Variants in SPIDR observed in about 807,000 individuals in gnomAD.
SPIDR encodes the protein DNA repair-scaffolding protein.
A neutral mutation model predicts 104.6 loss-of-function variants in SPIDR; 93 were observed. The observed-to-expected ratio is 0.89, with a 90% CI of 0.75 to 1.06. SPIDR has a LOEUF of 1.06. Ranked by LOEUF, SPIDR falls within the 50% of genes least tolerant of loss-of-function variation. The probability of loss-of-function intolerance (pLI) is 0.00; values close to 1 mark genes in which losing one functional copy is unlikely to be tolerated. For missense variants in SPIDR, 1,154 were observed against 1,111.2 expected, an observed-to-expected ratio of 1.04 and a Z score of -0.55; for synonymous variants, 431 against 416.9, an observed-to-expected ratio of 1.03 and a Z score of -0.41.
At chr8:47,308,534 T>C (rs1424269029) in intron 5 of SPIDR, among the ~76,000 whole-genome samples, 4 of 151,730 alleles carry the variant, frequency 2.6e-5, no homozygotes, top group Non-Finnish European at 4.4e-5. Context: ...TTTTCCCTTA[T>C]ATACAGTTGC....
rs767694838 is a variant in SPIDR at position 47,590,214 on chromosome 8, G to A, written c.1098-5597G>A. ...AATTATTTCTTTTCACTTTCTCTGA[G>A]TTTATTTTGCTCTACTTTTTTCTAG... is the stretch of plus-strand genomic sequence containing the variant. On this transcript the variant is annotated intron_variant, in intron 8 of 19. Transcript: ENST00000297423. Among the ~76,000 whole-genome samples the A allele has an allele frequency of 1.3e-4, 19 of 151,508 alleles. 1 individual carries two copies. The highest frequency in any genetic ancestry group is 5.3e-4 in the Admixed American group (8 of 15,204).
At chr8:47,562,151 C>T (rs958037100) in intron 8 of SPIDR, among the ~76,000 whole-genome samples, 5 of 152,204 alleles carry the variant, frequency 3.3e-5, no homozygotes, top group African/African-American at 9.7e-5. Flanking sequence ...TAGCCCTAGG[C>T]GTGATTTTCT....
At chr8:47,547,230 G>C in intron 8 of SPIDR, 1 of 638,246 alleles carries the variant, frequency 1.6e-6, no homozygotes, top group Non-Finnish European at 3.0e-6. Context: ...TGCACAACTT[G>C]TACTTGGGCT....
At chr8:47,467,293 G>A (rs2154356020) in intron 8 of SPIDR, among the ~76,000 whole-genome samples, 1 of 152,294 alleles carries the variant, frequency 6.6e-6, no homozygotes, top group South Asian at 2.1e-4. Flanking sequence ...GTACAAAGAA[G>A]AGCTGGTATC....
chr8:47,549,467 T>C (rs1226032281), intron 8 of SPIDR, among the ~76,000 whole-genome samples: 1 of 152,234 alleles, frequency 6.6e-6, no homozygotes, highest in East Asian at 1.9e-4. Context: ...CCATTCTAAC[T>C]GGTGTGAGAT....
At chr8:47,319,677 T>C (rs999580380) in intron 5 of SPIDR, among the ~76,000 whole-genome samples, 3 of 152,236 alleles carry the variant, frequency 2.0e-5, no homozygotes, top group African/African-American at 4.8e-5. Flanking sequence ...TATTCCAAAA[T>C]TGACCACATA....
intron 14 of SPIDR, 80 bp downstream of exon 14, chr8:47,702,095 TCTTA>T (rs761745039): frequency 0.042 from 3,064 of 72,126 alleles, 266 homozygotes; most frequent in African/African-American, 0.16. Context: ...TCTCTCTCTC[TCTTA>T]CACACACACA....
chr8:47,700,979 A>G (rs944691404), intron 12 of SPIDR, among the ~76,000 whole-genome samples: 8 of 152,146 alleles, frequency 5.3e-5, no homozygotes, highest in African/African-American at 1.9e-4. Context: ...AGCAAAATGG[A>G]TGGAAAGTGT....
At chr8:47,328,420 T>TA (rs1267100894) in intron 5 of SPIDR, among the ~76,000 whole-genome samples, 81 of 151,360 alleles carry the variant, frequency 5.4e-4, no homozygotes, top group African/African-American at 1.8e-3. Flanking sequence ...GCTAATTATT[T>TA]TTTTTTTTTT....
At chr8:47,734,520 T>C (rs1238998973) in intron 19 of SPIDR, among the ~76,000 whole-genome samples, 1 of 152,154 alleles carries the variant, frequency 6.6e-6, no homozygotes, top group Non-Finnish European at 1.5e-5. Flanking sequence ...CTGTAGCAAC[T>C]GCCAAATGCC....
intron 8 of SPIDR, among the ~76,000 whole-genome samples, chr8:47,556,680 G>A (rs1031143992): frequency 2.0e-5 from 3 of 152,098 alleles, no homozygotes; most frequent in Non-Finnish European, 4.4e-5. Context: ...GCTTACTGCA[G>A]CCTCACACTC....
intron 7 of SPIDR, among the ~76,000 whole-genome samples, chr8:47,423,727 G>A (rs995918609): frequency 5.3e-5 from 8 of 152,210 alleles, no homozygotes; most frequent in Non-Finnish European, 4.4e-5. Context: ...GATCATGCAG[G>A]GCCTGGAGGC....
At chr8:47,732,309 T>C in intron 19 of SPIDR, 1 of 661,966 alleles carries the variant, frequency 1.5e-6, no homozygotes, top group Non-Finnish European at 2.7e-6. Context: ...TGCACATTTA[T>C]GCAGTATGTG....
chr8:47,470,347 G>A lies in SPIDR; in HGVS notation c.1097+29805G>A, dbSNP rs184854738. On this transcript the variant is annotated intron_variant, in intron 8 of 19. Coordinates refer to ENST00000297423, the MANE Select transcript of SPIDR (RefSeq NM_001080394.4). Reference sequence around the variant, plus strand: ...TCTGCCGTCCAGCCTGGAGTGCAGCGACACGATCTCGGCTCACCGCAACCT... The same window carrying A: ...TCTGCCGTCCAGCCTGGAGTGCAGCAACACGATCTCGGCTCACCGCAACCT... Among the ~76,000 whole-genome samples, 358 of 152,188 alleles carry A rather than the reference G, an allele frequency of 2.4e-3. 1 individual carries two copies. Among genetic ancestry groups the A allele is most frequent in the African/African-American group, 8.3e-3 (343 of 41,502 alleles).
At chr8:47,683,858 G>T (rs957947789) in intron 11 of SPIDR, among the ~76,000 whole-genome samples, 4 of 152,234 alleles carry the variant, frequency 2.6e-5, no homozygotes, top group Admixed American at 2.6e-4. Context: ...CGGGCATGGT[G>T]GCTCACACCT....
At chr8:47,627,129 A>G (rs189497631) in intron 10 of SPIDR, among the ~76,000 whole-genome samples, 23 of 152,310 alleles carry the variant, frequency 1.5e-4, no homozygotes, top group African/African-American at 5.1e-4. Context: ...TCAGCAAACT[A>G]TCACAAGGAC....
intron 16 of SPIDR, among the ~76,000 whole-genome samples, chr8:47,715,331 C>T (rs1292214954): frequency 6.6e-6 from 1 of 152,096 alleles, no homozygotes; most frequent in Non-Finnish European, 1.5e-5. Context: ...CGTGCACCAC[C>T]ATGCCCGGCT....
intron 10 of SPIDR, among the ~76,000 whole-genome samples, chr8:47,632,501 C>T (rs1270953139): frequency 6.6e-6 from 1 of 152,140 alleles, no homozygotes; most frequent in Admixed American, 6.5e-5. Context: ...TTTACTTCTA[C>T]TCCCAGTATA....
At chr8:47,713,943 C>G (rs979833234) in intron 16 of SPIDR, among the ~76,000 whole-genome samples, 1 of 152,130 alleles carries the variant, frequency 6.6e-6, no homozygotes, top group Non-Finnish European at 1.5e-5. Flanking sequence ...GAGCCTCAAG[C>G]TGAGCTCTGA....
Sources: gnomAD v4.1 joint callset for allele counts (sites outside exome capture counted in the v4.1 genomes callset) on GRCh38, gnomAD v4.1.1 for gene constraint, MANE v1.5 for transcripts, NCBI Gene and HGNC (gene_info 2026-07-23, HGNC 2026-07-21) for gene names.